Variants in DNM1L observed in about 807,000 individuals in gnomAD.
DNM1L encodes dynamin 1L, also known as dynamin-1-like protein.
In DNM1L, 33 loss-of-function variants were observed where a neutral mutation model predicts 92.8. The observed-to-expected ratio is 0.36, with a 90% confidence interval of 0.27 to 0.48. The LOEUF (loss-of-function observed/expected upper bound fraction) is 0.48, where lower values mean the gene tolerates loss of function less well. Among genes scored for constraint, DNM1L ranks in the 20% least tolerant of loss-of-function variants. The probability of loss-of-function intolerance (pLI) is 0.99; values close to 1 mark genes in which losing one functional copy is unlikely to be tolerated. For missense variants in DNM1L, 485 were observed against 888.8 expected (o/e 0.55, Z 5.78); for synonymous variants, 284 against 305.0 (o/e 0.93, Z 0.72).
At chr12:32,697,182 T>C (rs1265997976) in intron 1 of DNM1L, among the ~76,000 whole-genome samples, 1 of 151,910 alleles carries the variant, frequency 6.6e-6, no homozygotes, top group Non-Finnish European at 1.5e-5. Context: ...TGAGCCACGA[T>C]TATGCCATTG....
chr12:32,731,039 A>G lies in DNM1L; in HGVS notation c.1105A>G (p.Ile369Val). 6.2e-7 allele frequency: 1 copy of G among 1,613,836 alleles called. No individual in the cohort carries two copies. Among genetic ancestry groups the G allele is most frequent in the Non-Finnish European group, 8.5e-7 (1 of 1,179,944 alleles). ...ELCGGARICY[I>V]FHETFGRTLE... ...ATGCGGTGGTGCTAGAATTTGTTAT[A>G]TTTTCCATGAGACTTTTGGGCGAAC... Residue 369 changes from isoleucine to valine, a missense_variant, in exon 10 of 20, where the codon ATT (isoleucine) becomes GTT (valine). This residue lies in a region of DNM1L where 40 missense variants were observed against 128.7 expected (regional missense o/e 0.31). Transcript: ENST00000549701. This position sits in a 1 kb window ranked among gnomAD's most constrained non-coding sequence, Gnocchi z 5.1.
intron 6 of DNM1L, among the ~76,000 whole-genome samples, chr12:32,715,729 C>CA (rs150096851): frequency 1.3e-4 from 19 of 150,116 alleles, no homozygotes; most frequent in East Asian, 3.9e-4. Context: ...AGGACAGTCT[C>CA]AAAAAAAAAG....
intron 2 of DNM1L, among the ~76,000 whole-genome samples, chr12:32,701,863 G>A (rs1335263512): frequency 1.3e-5 from 2 of 151,722 alleles, no homozygotes; most frequent in South Asian, 2.1e-4. Flanking sequence ...AAGTAGCTGG[G>A]ATTACAGGCG....
At chr12:32,690,439 G>A (rs1163981158) in intron 1 of DNM1L, among the ~76,000 whole-genome samples, 1 of 152,132 alleles carries the variant, frequency 6.6e-6, no homozygotes, top group Non-Finnish European at 1.5e-5. Context: ...GTTAGCCACA[G>A]CTCCTATTGC....
In DNM1L at chr12:32,745,038, C is replaced by G. The variant is rs906637412; in HGVS notation, c.*1628C>G. The stretch of plus-strand genomic sequence containing the variant: ...AACTTTAGCTTATGGCATCAATTTA[C>G]TAAGGAACAACAGGCTCACCAACTG... On this transcript the variant is annotated 3_prime_UTR_variant, in exon 20 of 20. Coordinates refer to ENST00000549701, the MANE Select transcript of DNM1L (RefSeq NM_012062.5). 3.9e-6 allele frequency: 2 copies of G among 511,946 alleles called. No homozygotes were observed. Among genetic ancestry groups the G allele is most frequent in the Non-Finnish European group, 7.8e-6 (2 of 257,746 alleles). The allele number at this position is 511,946 out of a possible 1,614,324, so 31.7% of individuals were successfully genotyped here. A position where few individuals can be genotyped will look rare whatever the true frequency, so the allele number is the denominator to read the frequency against.
intron 1 of DNM1L, among the ~76,000 whole-genome samples, chr12:32,690,863 A>G (rs1295921588): frequency 6.6e-6 from 1 of 152,216 alleles, no homozygotes; most frequent in African/African-American, 2.4e-5. Context: ...ACAAAATGTC[A>G]GAATACAATC....
chr12:32,702,222 A>G (rs1354784636), intron 2 of DNM1L, among the ~76,000 whole-genome samples: 1 of 133,214 alleles, frequency 7.5e-6, no homozygotes, highest in Non-Finnish European at 1.6e-5. Context: ...CGACAGAGTG[A>G]GACTCCGTCT....
intron 18 of DNM1L, 50 bp from the exon 19 acceptor site, chr12:32,742,539 T>TTAAAAGTAGAA: frequency 6.2e-7 from 1 of 1,612,460 alleles, no homozygotes; most frequent in Non-Finnish European, 8.5e-7. Context: ...GCCCAAATTG[T>TTAAAAGTAGAA]TAAAAGTAGA....
Position 32,731,347 on chromosome 12 carries a change from T to C in DNM1L, c.1201-9T>C. 6.2e-7 allele frequency: 1 copy of C among 1,614,184 alleles called. No homozygotes were observed. The highest frequency in any genetic ancestry group is 8.5e-7 in the Non-Finnish European group (1 of 1,180,032). ...TATATAATAAGAGTTCTAAGTTTTA[T>C]TTTCTCAGGGTCCTCGTCCTGCTTT... On this transcript the variant is annotated splice_polypyrimidine_tract_variant and intron_variant, in intron 10 of 19. Transcript: ENST00000549701. This position sits in a 1 kb window ranked among gnomAD's most constrained non-coding sequence, Gnocchi z 5.1.
At chr12:32,705,166 C>T (rs1952874997) in intron 2 of DNM1L, among the ~76,000 whole-genome samples, 2 of 151,904 alleles carry the variant, frequency 1.3e-5, no homozygotes, top group African/African-American at 4.8e-5. Context: ...CTACGCCCAG[C>T]TAATTTTTGT....
chr12:32,679,444 A>C lies in DNM1L; in HGVS notation c.81A>C (p.Gln27His). The C allele has an allele frequency of 1.9e-6, 3 of 1,613,206 alleles. No homozygotes were observed. The highest frequency in any genetic ancestry group is 2.5e-6 in the Non-Finnish European group (3 of 1,179,834). ...GCGCCGACATCATCCAGCTGCCTCA[A>C]ATCGTCGTAGTGGGAACGCAGGTGA... ...TVGADIIQLP[Q>H]IVVVGTQSSG... The change falls in exon 1 of 20, where the codon CAA becomes CAC. Residue 27 changes from glutamine to histidine, a missense_variant. Physicochemically the swap from Gln to His is conservative, Grantham distance 24 (BLOSUM62 0). Transcript: ENST00000549701.
In DNM1L at chr12:32,743,779, C is replaced by G. The variant is rs866737381; in HGVS notation, c.*369C>G. The G allele has an allele frequency of 4.0e-6, 1 of 248,992 alleles. No homozygotes were observed. Among genetic ancestry groups the G allele is most frequent in the African/African-American group, 2.2e-5 (1 of 44,738 alleles). The allele number at this position is 248,992 out of a possible 1,614,324, so 15.4% of individuals were successfully genotyped here. A position where few individuals can be genotyped will look rare whatever the true frequency, so the allele number is the denominator to read the frequency against. ...TAGTCTTAAAGCTGCTGCCATAGTC[C>G]TCCAAGAAGAAAGCACCAAGACAAC... On this transcript the variant is annotated 3_prime_UTR_variant, in exon 20 of 20. Transcript: ENST00000549701.
At chr12:32,724,589 A>ATATATATATAT (rs1555123381) in intron 9 of DNM1L, among the ~76,000 whole-genome samples, 1 of 80,814 alleles carries the variant, frequency 1.2e-5, no homozygotes, top group Non-Finnish European at 2.8e-5. Context: ...AAAAAAAAAA[A>ATATATATATAT]AAAAATATAT....
chr12:32,710,038 G>A (rs934879317), intron 4 of DNM1L, among the ~76,000 whole-genome samples: 4 of 152,022 alleles, frequency 2.6e-5, no homozygotes, highest in African/African-American at 9.7e-5. Context: ...AGAAGGGCAT[G>A]TACAAAGACA....
intron 1 of DNM1L, among the ~76,000 whole-genome samples, chr12:32,698,317 G>A (rs942957951): frequency 2.6e-5 from 4 of 152,106 alleles, no homozygotes; most frequent in Non-Finnish European, 5.9e-5. Flanking sequence ...GGAGGAAAGA[G>A]GAGAAAAAAA....
intron 6 of DNM1L, among the ~76,000 whole-genome samples, chr12:32,715,093 C>CTTTT: frequency 7.2e-6 from 1 of 139,860 alleles, no homozygotes; most frequent in East Asian, 2.1e-4. Context: ...TTAATCTAAT[C>CTTTT]TTTTTTTTTT....
At position 32,718,004 on chromosome 12, in the gene DNM1L, A is replaced by G. The variant is rs527471839; in HGVS notation, c.620-639A>G. On this transcript the variant is annotated intron_variant, in intron 6 of 19. Coordinates refer to ENST00000549701, the MANE Select transcript of DNM1L (RefSeq NM_012062.5). The stretch of plus-strand genomic sequence containing the variant: ...ATATATAGTATGTATAGTATATATA[A>G]TATATATAGTATATATATTATAAAT... Among the ~76,000 whole-genome samples, 266 of 104,742 alleles carry G rather than the reference A, an allele frequency of 2.5e-3. 10 individuals are homozygous for G. The South Asian group carries it at 0.059, about 23-fold the overall frequency. 68.7% of individuals were successfully genotyped at this position (104,742 alleles called of 152,430 possible).
intron 3 of DNM1L, 40 bp downstream of exon 3, chr12:32,707,453 A>G (rs780034772): frequency 1.5e-5 from 22 of 1,435,566 alleles, no homozygotes; most frequent in Admixed American, 2.0e-5. Flanking sequence ...AATGTTGAAA[A>G]AAATATATTG....
At chr12:32,699,796 C>CAAAAAAAAAAAAAAAAAAAAAAAAAA (rs34943495) in intron 1 of DNM1L, among the ~76,000 whole-genome samples, 1 of 73,594 alleles carries the variant, frequency 1.4e-5, no homozygotes, top group African/African-American at 4.4e-5. Context: ...GACTCCATCT[C>CAAAAAAAAAAAAAAAAAAAAAAAAAA]AAAAAAAAAA....
Sources: allele counts gnomAD v4.1 joint callset (sites outside exome capture counted in the v4.1 genomes callset), GRCh38; gene constraint gnomAD v4.1.1; regional missense constraint gnomAD v4.1.1; non-coding constraint Gnocchi (gnomAD v3.1); transcripts MANE v1.5; gene names NCBI Gene and HGNC (gene_info 2026-07-23, HGNC 2026-07-21).